ZNF804B: variants seen among roughly 807,000 people sequenced by gnomAD.
The protein encoded by ZNF804B is zinc finger protein 804B, also known as zinc finger 804B.
A neutral mutation model predicts 101.4 loss-of-function variants in ZNF804B; 80 were observed. That is an observed-to-expected ratio of 0.79 (90% CI 0.66 to 0.95). ZNF804B has a LOEUF of 0.95. ZNF804B is among the 40% of genes least tolerant of loss of function. The pLI, the probability that ZNF804B is intolerant of heterozygous loss-of-function variation, is 0.00. For synonymous variants in ZNF804B, 622 were observed against 558.8 expected, an observed-to-expected ratio of 1.11 and a Z score of -1.59; for missense variants, 1,673 against 1,561.9, an observed-to-expected ratio of 1.07 and a Z score of -1.20.
intron 1 of ZNF804B, among the ~76,000 whole-genome samples, chr7:88,858,113 G>A (rs1277765442): frequency 6.6e-6 from 1 of 151,902 alleles, no homozygotes; most frequent in African/African-American, 2.4e-5. Context: ...GAGAGCCACG[G>A]CACCTGGCCT....
In ZNF804B at chr7:89,333,552, A is replaced by G. The variant is rs760322171; in HGVS notation, c.570A>G (p.Gln190=). ...KQRSTMPNRH[Q]LQSDRRCLFG... Reference sequence around the variant, plus strand: ...GGTCCACCATGCCAAATCGACACCAATTACAATCAGACAGGCGTTGTTTGT... The same window carrying G: ...GGTCCACCATGCCAAATCGACACCAGTTACAATCAGACAGGCGTTGTTTGT... Residue 190 remains glutamine (Q), a synonymous_variant, in exon 4 of 4, where the codon CAA becomes CAG. Coordinates refer to ENST00000333190, the MANE Select transcript of ZNF804B (RefSeq NM_181646.5). The G allele has an allele frequency of 2.5e-5, 41 of 1,613,432 alleles. No individual in the cohort carries two copies. In the Middle Eastern group the frequency reaches 4.9e-4, roughly 19 times the overall value.
chr7:89,081,008 A>G (rs1036720711), intron 1 of ZNF804B, among the ~76,000 whole-genome samples: 5 of 151,918 alleles, frequency 3.3e-5, no homozygotes, highest in African/African-American at 9.7e-5. Context: ...GATATATACA[A>G]TTTGATAAGG....
intron 2 of ZNF804B, among the ~76,000 whole-genome samples, chr7:89,309,175 G>A (rs38936): frequency 5.9e-5 from 9 of 151,678 alleles, no homozygotes; most frequent in Non-Finnish European, 1.3e-4. Context: ...AGTGTCTATT[G>A]TTCCCATCTC....
intron 1 of ZNF804B, among the ~76,000 whole-genome samples, chr7:89,200,975 A>G (rs541348260): frequency 3.4e-4 from 51 of 152,068 alleles, no homozygotes; most frequent in Non-Finnish European, 6.3e-4. Context: ...GTGTGAAACC[A>G]TAGTGATATT....
chr7:89,181,610 T>TCAGTGGC (rs57555908), intron 1 of ZNF804B, among the ~76,000 whole-genome samples: 36,302 of 151,922 alleles, frequency 0.24, 4,465 homozygotes, highest in Non-Finnish European at 0.27. Context: ...CTGTCTTTCT[T>TCAGTGGC]CAGTGGCTCT....
chr7:88,784,146 A>C (rs1367408364), intron 1 of ZNF804B, among the ~76,000 whole-genome samples: 1 of 152,164 alleles, frequency 6.6e-6, no homozygotes, highest in Non-Finnish European at 1.5e-5. Flanking sequence ...CAAATTTCAG[A>C]GCAAAATTTA....
intron 1 of ZNF804B, among the ~76,000 whole-genome samples, chr7:88,936,086 C>T (rs1792964246): frequency 7.0e-6 from 1 of 142,506 alleles, no homozygotes; most frequent in Non-Finnish European, 1.5e-5. Flanking sequence ...CTCCTTCCTT[C>T]CTTCATCTTT....
rs373375880 is a variant in ZNF804B, at chr7:88,976,561, G to A, written c.108+216477G>A. 4.0e-5 allele frequency among the ~76,000 whole-genome samples: 6 copies of A among 151,682 alleles called. No individual in the cohort carries two copies. In the East Asian group the frequency reaches 7.8e-4, roughly 20 times the overall value. On this transcript the variant is annotated intron_variant, in intron 1 of 3. Coordinates refer to ENST00000333190, the MANE Select transcript of ZNF804B (RefSeq NM_181646.5). ...CTGTTCGTCGCTGGCATATGGAAAT[G>A]CTACTGGTTTTTGTATGTTGATTTT...
chr7:88,772,764 A>T (rs1444093293), intron 1 of ZNF804B, among the ~76,000 whole-genome samples: 2 of 152,184 alleles, frequency 1.3e-5, no homozygotes, highest in East Asian at 1.9e-4. Flanking sequence ...TTTGGAAACA[A>T]CTCAGTAATA....
chr7:88,909,988 T>A (rs180767865), intron 1 of ZNF804B, among the ~76,000 whole-genome samples: 25 of 152,012 alleles, frequency 1.6e-4, no homozygotes, highest in Admixed American at 1.6e-3. Context: ...GACAATGGTT[T>A]GAATGTATAT....
intron 1 of ZNF804B, among the ~76,000 whole-genome samples, chr7:88,984,299 T>C (rs1009365513): frequency 6.6e-6 from 1 of 152,084 alleles, no homozygotes; most frequent in Admixed American, 6.6e-5. Flanking sequence ...CAATCATTTC[T>C]TCTTAATGGA....
At chr7:88,845,278 C>T (rs915728571) in intron 1 of ZNF804B, among the ~76,000 whole-genome samples, 3 of 133,624 alleles carry the variant, frequency 2.2e-5, no homozygotes, top group South Asian at 4.6e-4. Flanking sequence ...CGCATGTGTG[C>T]GCACGCGCGC....
chr7:88,867,211 T>C (rs1427096508), intron 1 of ZNF804B, among the ~76,000 whole-genome samples: 2 of 152,188 alleles, frequency 1.3e-5, no homozygotes, highest in Non-Finnish European at 2.9e-5. Context: ...GGCGATTTTT[T>C]TAGGGAAATT....
chr7:89,297,743 AT>A (rs932805341), intron 2 of ZNF804B, among the ~76,000 whole-genome samples: 5 of 151,922 alleles, frequency 3.3e-5, no homozygotes, highest in Non-Finnish European at 7.4e-5. Flanking sequence ...TGGATGTAAT[AT>A]TTTTTCTAAC....
chr7:89,271,986 A>C (rs1013427549), intron 2 of ZNF804B, among the ~76,000 whole-genome samples: 1 of 152,052 alleles, frequency 6.6e-6, no homozygotes, highest in African/African-American at 2.4e-5. Context: ...AGGATTTTTT[A>C]AAAACCTTCA....
chr7:88,850,543 A>C (rs774506358), intron 1 of ZNF804B, among the ~76,000 whole-genome samples: 56 of 152,124 alleles, frequency 3.7e-4, no homozygotes, highest in Non-Finnish European at 7.2e-4. Flanking sequence ...AGAGTGAAAA[A>C]TCTTGTAATT....
intron 1 of ZNF804B, among the ~76,000 whole-genome samples, chr7:89,157,384 A>G (rs1450953925): frequency 1.3e-5 from 2 of 152,172 alleles, no homozygotes; most frequent in East Asian, 3.9e-4. Flanking sequence ...TGATTGTTGT[A>G]GCTATCATTT....
At chr7:89,151,522 A>G (rs570413762) in intron 1 of ZNF804B, among the ~76,000 whole-genome samples, 52 of 152,240 alleles carry the variant, frequency 3.4e-4, no homozygotes, top group African/African-American at 1.3e-3. Flanking sequence ...TTCACTGAGA[A>G]GAGAGACCAT....
intron 1 of ZNF804B, among the ~76,000 whole-genome samples, chr7:88,763,080 T>G (rs192156423): frequency 1.3e-4 from 20 of 152,298 alleles, no homozygotes; most frequent in Admixed American, 1.3e-3. Context: ...TATGGATATC[T>G]GATATCTGGA....
Sources: allele counts gnomAD v4.1 joint callset (sites outside exome capture counted in the v4.1 genomes callset), GRCh38; gene constraint gnomAD v4.1.1; transcripts MANE v1.5; gene names NCBI Gene and HGNC (gene_info 2026-07-23, HGNC 2026-07-21).